The following PTPN12 variants were observed in gnomAD, a reference collection of about 807,000 sequenced individuals.
PTPN12 encodes the protein tyrosine-protein phosphatase non-receptor type 12.
Under a neutral mutation model 97.6 loss-of-function variants are expected in PTPN12, and 29 were observed. The observed-to-expected ratio is 0.30, with a 90% CI of 0.22 to 0.41. The LOEUF is 0.41. PTPN12 is among the 10% of genes least tolerant of loss of function. The pLI is 1.00. For missense variants in PTPN12, 819 were observed against 926.0 expected (o/e 0.88, Z 1.50); for synonymous variants, 327 against 300.4 (o/e 1.09, Z -0.91).
chr7:77,631,913 T>C (rs1261309271), intron 13 of PTPN12, among the ~76,000 whole-genome samples: 2 of 152,214 alleles, frequency 1.3e-5, no homozygotes, highest in East Asian at 1.9e-4. Flanking sequence ...ATAGGACACA[T>C]GTTACATAGT....
intron 15 of PTPN12, among the ~76,000 whole-genome samples, chr7:77,636,602 T>C (rs569134425): frequency 2.0e-5 from 3 of 152,170 alleles, no homozygotes; most frequent in African/African-American, 4.8e-5. Flanking sequence ...CATTTGTCCA[T>C]AGGAGATAAC....
intron 12 of PTPN12, among the ~76,000 whole-genome samples, chr7:77,621,051 CAT>C (rs34626577): frequency 0.41 from 61,222 of 148,600 alleles, 12,843 homozygotes; most frequent in Non-Finnish European, 0.47. Flanking sequence ...TGCTTGAATC[CAT>C]ATATATATAT....
chr7:77,542,002 G>C (rs1387561807), intron 1 of PTPN12, among the ~76,000 whole-genome samples: 3 of 70,642 alleles, frequency 4.2e-5, no homozygotes, highest in African/African-American at 3.6e-4. Flanking sequence ...ATGTTTGACA[G>C]ACCTAGGTTT....
intron 1 of PTPN12, among the ~76,000 whole-genome samples, chr7:77,568,931 A>G (rs1003837909): frequency 2.0e-5 from 3 of 152,220 alleles, no homozygotes; most frequent in African/African-American, 4.8e-5. Context: ...AGAAAATACA[A>G]ACATTCTAAT....
At chr7:77,632,847 C>T (rs1442639299) in intron 14 of PTPN12, among the ~76,000 whole-genome samples, 1 of 152,158 alleles carries the variant, frequency 6.6e-6, no homozygotes, top group African/African-American at 2.4e-5. Flanking sequence ...ATCTCAGCTA[C>T]TTGAGAGGCT....
intron 1 of PTPN12, among the ~76,000 whole-genome samples, chr7:77,559,646 G>A (rs956285914): frequency 2.6e-5 from 4 of 152,152 alleles, no homozygotes; most frequent in African/African-American, 9.7e-5. Context: ...ATTTCAAATA[G>A]CATTTTAAGT....
intron 3 of PTPN12, 61 bp downstream of exon 3, chr7:77,581,564 T>G (rs1022705555): frequency 9.4e-7 from 1 of 1,063,184 alleles, no homozygotes; most frequent in South Asian, 1.7e-5. Flanking sequence ...CATACTAGTT[T>G]TGTAAAAACT....
At chr7:77,613,375 A>G (rs908195138) in intron 11 of PTPN12, among the ~76,000 whole-genome samples, 5 of 151,094 alleles carry the variant, frequency 3.3e-5, no homozygotes, top group African/African-American at 1.2e-4. Flanking sequence ...GGGTTTCACC[A>G]TGTTGGCCAG....
intron 17 of PTPN12, 159 bp from the exon 18 acceptor site, chr7:77,639,060 C>A: frequency 1.5e-6 from 1 of 667,982 alleles, no homozygotes; most frequent in Non-Finnish European, 2.3e-6. Context: ...AATAAATTTA[C>A]AATTGTTTTG....
chr7:77,636,966 T>G, intron 15 of PTPN12, 52 bp from the exon 16 acceptor site: 1 of 1,426,752 alleles, frequency 7.0e-7, no homozygotes, highest in Non-Finnish European at 9.7e-7. Context: ...CTTTCTATTA[T>G]TTGTATATAA....
chr7:77,618,475 G>T lies in PTPN12; in HGVS notation c.940-5G>T. 6.4e-7 allele frequency: 1 copy of T among 1,563,486 alleles called. No individual in the cohort carries two copies. Among genetic ancestry groups the T allele is most frequent in the Non-Finnish European group, 8.7e-7 (1 of 1,147,840 alleles). On this transcript the variant is annotated splice_region_variant and splice_polypyrimidine_tract_variant and intron_variant, in intron 11 of 17. Transcript: ENST00000248594. ...ACCTTAGTGAAGTATTTTTTCCCTTGGCAGAATGAAATTAACACTGAAAAC... is the reference window on the plus strand; with the variant it reads ...ACCTTAGTGAAGTATTTTTTCCCTTTGCAGAATGAAATTAACACTGAAAAC...
At chr7:77,637,372 A>G (rs1420031338) in intron 16 of PTPN12, among the ~76,000 whole-genome samples, 1 of 152,210 alleles carries the variant, frequency 6.6e-6, no homozygotes, top group Admixed American at 6.5e-5. Context: ...ACTTAAATAA[A>G]TGATGGAATT....
chr7:77,639,225 G>T lies in PTPN12; in HGVS notation c.2288G>T (p.Gly763Val), dbSNP rs762048043. 6.2e-7 allele frequency: 1 copy of T among 1,611,522 alleles called. No homozygotes were observed. Among genetic ancestry groups the T allele is most frequent in the Non-Finnish European group, 8.5e-7 (1 of 1,178,590 alleles). Reference protein sequence around the residue: ...NPTEATDIGFGNRCGKPKGPR... With the variant: ...NPTEATDIGFVNRCGKPKGPR... ...TGTGGTGTTTTCACTGTAGGTTTTGGTAATCGATGTGGAAAACCCAAAGGA... is the reference window on the plus strand; with the variant it reads ...TGTGGTGTTTTCACTGTAGGTTTTGTTAATCGATGTGGAAAACCCAAAGGA... The change falls in exon 18 of 18, where the codon GGT becomes GTT. Residue 763 changes from glycine (G) to valine (V), a missense_variant. This residue lies in a region of PTPN12 where 607 missense variants were observed against 577.3 expected (regional missense o/e 1.05). Coordinates refer to ENST00000248594, the MANE Select transcript of PTPN12 (RefSeq NM_002835.4).
At chr7:77,575,673 T>G (rs1463283928) in intron 2 of PTPN12, among the ~76,000 whole-genome samples, 1 of 152,182 alleles carries the variant, frequency 6.6e-6, no homozygotes, top group African/African-American at 2.4e-5. Flanking sequence ...TAAAGTAAAT[T>G]TATAGAGTTT....
At chr7:77,635,721 T>G in intron 14 of PTPN12, 61 bp from the exon 15 acceptor site, 1 of 1,093,216 alleles carries the variant, frequency 9.1e-7, no homozygotes, top group Non-Finnish European at 1.3e-6. Flanking sequence ...TGTATTACTT[T>G]AATGCAAAGA....
At chr7:77,558,391 CT>C (rs1807827642) in intron 1 of PTPN12, among the ~76,000 whole-genome samples, 1 of 152,116 alleles carries the variant, frequency 6.6e-6, no homozygotes, top group East Asian at 1.9e-4. Context: ...AGCATGTCAA[CT>C]TTAGGGATCT....
Position 77,635,827 on chromosome 7 carries a change from G to A in PTPN12, c.2120G>A (p.Arg707Gln), listed in dbSNP as rs144099562. The A allele has an allele frequency of 9.1e-5, 146 of 1,605,548 alleles. No homozygotes were observed. In the East Asian group the frequency reaches 3.0e-3, roughly 33 times the overall value. ...SEWSELQSQERSEQKKSEGLI... is the reference protein window; with the variant it reads ...SEWSELQSQEQSEQKKSEGLI... ...TGGAGTGAACTTCAAAGTCAGGAAC[G>A]ATCTGAACAAAAAAAGTCTGAAGTA... The change falls in exon 15 of 18, where the codon CGA becomes CAA. Residue 707 changes from arginine (R) to glutamine (Q), a missense_variant. Coordinates refer to ENST00000248594, the MANE Select transcript of PTPN12 (RefSeq NM_002835.4).
At chr7:77,613,970 C>T (rs577160967) in intron 11 of PTPN12, among the ~76,000 whole-genome samples, 3 of 152,194 alleles carry the variant, frequency 2.0e-5, no homozygotes, top group African/African-American at 4.8e-5. Flanking sequence ...GGGCTCACTG[C>T]GCCCTCAACC....
chr7:77,537,980 G>GC (rs1554306788), intron 1 of PTPN12: 58 of 726,706 alleles, frequency 8.0e-5, no homozygotes, highest in East Asian at 2.9e-4. Flanking sequence ...GTGCAGGCCG[G>GC]GGGGGGGGGC....
Sources: allele counts gnomAD v4.1 joint callset (sites outside exome capture counted in the v4.1 genomes callset), GRCh38; gene constraint gnomAD v4.1.1; regional missense constraint gnomAD v4.1.1; transcripts MANE v1.5; gene names NCBI Gene and HGNC (gene_info 2026-07-23, HGNC 2026-07-21).